Variants in LRRC51 observed in about 807,000 individuals in gnomAD.
LRRC51 encodes leucine-rich repeat-containing protein 51.
Under a neutral mutation model 17.8 loss-of-function variants are expected in LRRC51, and 8 were observed. The ratio of observed to expected loss-of-function variants is 0.45; its 90% CI spans 0.26 to 0.81. LRRC51 has a LOEUF of 0.81. Ranked by LOEUF, LRRC51 falls within the 30% of genes least tolerant of loss-of-function variation. LRRC51 has a pLI of 0.17. For missense variants in LRRC51, 233 were observed against 239.3 expected, an observed-to-expected ratio of 0.97 and a Z score of 0.17; for synonymous variants, 92 against 96.0, an observed-to-expected ratio of 0.96 and a Z score of 0.24.
rs1013661983 is a variant in LRRC51, at chr11:72,086,465, A to G, written c.-139-1832A>G. 7.1e-6 allele frequency: 5 copies of G among 702,242 alleles called. No individual in the cohort carries two copies. In the African/African-American group the frequency reaches 8.7e-5, roughly 12 times the overall value. 43.5% of individuals were successfully genotyped at this position (702,242 alleles called of 1,614,324 possible). A position where few individuals can be genotyped will look rare whatever the true frequency, so the allele number is the denominator to read the frequency against. ...TGAACCTGGGAACCAATTGTTAGAA[A>G]GAACAGCTTAGCATCAACTCTTCTG... is the stretch of plus-strand genomic sequence containing the variant. On this transcript the variant is annotated intron_variant, in intron 1 of 5. Coordinates refer to ENST00000289488, the MANE Select transcript of LRRC51 (RefSeq NM_145309.6).
rs373352944 is a variant in LRRC51, at chr11:72,093,640, A to C, written c.227A>C (p.Glu76Ala). The change falls in exon 4 of 6, where the codon GAG becomes GCG. Residue 76 changes from glutamate (E) to alanine (A), a missense_variant. By Grantham distance (107) the Glu-to-Ala change is moderately radical. Coordinates refer to ENST00000289488, the MANE Select transcript of LRRC51 (RefSeq NM_145309.6). ...AACCAGGTGGCTTCACAGCTGTTGG[A>C]GCACCCAGAGAACCTGGCCTGGATC... ...DFNQVASQLL[E>A]HPENLAWIDL... 1 of 1,614,232 alleles carries C rather than the reference A, an allele frequency of 6.2e-7. No individual in the cohort carries two copies. Among genetic ancestry groups the C allele is most frequent in the Non-Finnish European group, 8.5e-7 (1 of 1,180,038 alleles).
At position 72,095,529 on chromosome 11, in the gene LRRC51, C is replaced by A. The variant is rs373044242; in HGVS notation, c.*9C>A. The stretch of plus-strand genomic sequence containing the variant: ...AGCAGAATACACTTTGAGGCTCCCA[C>A]GACCCTAGTAGTCCTAAAGGCCTAA... On this transcript the variant is annotated 3_prime_UTR_variant, in exon 6 of 6. Coordinates refer to ENST00000289488, the MANE Select transcript of LRRC51 (RefSeq NM_145309.6). 71 of 1,612,874 alleles carry A rather than the reference C, an allele frequency of 4.4e-5. No individual in the cohort carries two copies. The highest frequency in any genetic ancestry group is 5.5e-5 in the Non-Finnish European group (65 of 1,179,454).
Position 72,095,530 on chromosome 11 carries a change from G to A in LRRC51, c.*10G>A, listed in dbSNP as rs200301620. ...GCAGAATACACTTTGAGGCTCCCAC[G>A]ACCCTAGTAGTCCTAAAGGCCTAAG... On this transcript the variant is annotated 3_prime_UTR_variant, in exon 6 of 6. Transcript: ENST00000289488. 6.6e-5 allele frequency: 107 copies of A among 1,612,826 alleles called. No homozygotes were observed. The highest frequency in any genetic ancestry group is 2.4e-4 in the African/African-American group (18 of 74,990).
In LRRC51 at chr11:72,095,672, TTTTC is replaced by T. The variant is rs909344352; in HGVS notation, c.*156_*159del. 45 of 1,490,316 alleles carry T rather than the reference TTTTC, an allele frequency of 3.0e-5. 1 individual carries two copies. The highest frequency in any genetic ancestry group is 1.2e-4 in the Admixed American group (5 of 42,348). 92.3% of individuals were successfully genotyped at this position (1,490,316 alleles called of 1,614,324 possible). A position where few individuals can be genotyped will look rare whatever the true frequency, so the allele number is the denominator to read the frequency against. ...AACTGCAAGTAGCTCTAGCCTTTTC[TTTTC>T]TTTTTTTTTTTTTTGAGACGGAGTC... On this transcript the variant is annotated 3_prime_UTR_variant, in exon 6 of 6. Transcript: ENST00000289488.
At chr11:72,091,816 G>A (rs1944880975) in intron 3 of LRRC51, among the ~76,000 whole-genome samples, 1 of 152,102 alleles carries the variant, frequency 6.6e-6, no homozygotes, top group Admixed American at 6.6e-5. Context: ...AAACGCCTAG[G>A]CTCAAGCAAT....
chr11:72,090,061 G>A (rs1478048470), intron 3 of LRRC51, among the ~76,000 whole-genome samples: 45 of 152,292 alleles, frequency 3.0e-4, no homozygotes, highest in Admixed American at 2.8e-3. Flanking sequence ...CTTTAAGCTC[G>A]GGAAGCTGGC....
chr11:72,092,524 T>C (rs1944918682), intron 3 of LRRC51, among the ~76,000 whole-genome samples: 1 of 152,222 alleles, frequency 6.6e-6, no homozygotes, highest in Admixed American at 6.5e-5. Flanking sequence ...AAGAGTGATC[T>C]TTCTGAAATA....
chr11:72,087,565 G>C (rs1344574042), intron 1 of LRRC51, among the ~76,000 whole-genome samples: 1 of 152,170 alleles, frequency 6.6e-6, no homozygotes, highest in Non-Finnish European at 1.5e-5. Flanking sequence ...AGGAATTTCA[G>C]AGCTAAATGT....
Position 72,089,015 on chromosome 11 carries a change from C to A in LRRC51, c.-55-14C>A. 2.5e-6 allele frequency: 4 copies of A among 1,605,728 alleles called. No individual in the cohort carries two copies. The South Asian group carries it at 4.4e-5, about 18-fold the overall frequency. ...CGGTGTACTTGAAACACTGGTCTTT[C>A]TCTGTCCTCCCAGGCTGAACCCAGA... On this transcript the variant is annotated splice_polypyrimidine_tract_variant and intron_variant, in intron 2 of 5. Transcript: ENST00000289488.
intron 1 of LRRC51, among the ~76,000 whole-genome samples, chr11:72,084,784 C>T (rs1944427242): frequency 7.1e-6 from 1 of 141,260 alleles, no homozygotes; most frequent in Non-Finnish European, 1.5e-5. Flanking sequence ...TTGCAGTGAG[C>T]TGAGGTAGCA....
intron 1 of LRRC51, among the ~76,000 whole-genome samples, 172 bp downstream of exon 1, chr11:72,081,057 A>G (rs371343017): frequency 6.6e-6 from 1 of 152,328 alleles, no homozygotes; most frequent in East Asian, 1.9e-4. Flanking sequence ...CATGGGACAG[A>G]CTGGGCGAGG....
rs1168485940 is a variant in LRRC51, at chr11:72,088,307, C to T, written c.-129C>T. On this transcript the variant is annotated 5_prime_UTR_variant, in exon 2 of 6. Coordinates refer to ENST00000289488, the MANE Select transcript of LRRC51 (RefSeq NM_145309.6). Reference sequence around the variant, plus strand: ...GTTCATCCCTGTCAGGGAGTATTTCCATTTTAACCGGAAACAATCCCTGAA... The same window carrying T: ...GTTCATCCCTGTCAGGGAGTATTTCTATTTTAACCGGAAACAATCCCTGAA... The T allele has an allele frequency of 1.1e-5, 8 of 700,884 alleles. No homozygotes were observed. The highest frequency in any genetic ancestry group is 1.8e-5 in the Non-Finnish European group (7 of 384,086). The allele number at this position is 700,884 out of a possible 1,614,324, so 43.4% of individuals were successfully genotyped here. A position where few individuals can be genotyped will look rare whatever the true frequency, so the allele number is the denominator to read the frequency against.
rs201554370 is a variant in LRRC51, at chr11:72,096,009, A to AT, written c.*500dup. ...AGGCGCCTGCTACCACATCCAGCTA[A>AT]TTTTTTTTTTTGAGACGGAGTCTCG... is the stretch of plus-strand genomic sequence containing the variant. On this transcript the variant is annotated 3_prime_UTR_variant, in exon 6 of 6. Transcript: ENST00000289488. The AT allele has an allele frequency of 9.1e-3, 1,193 of 130,900 alleles. No homozygotes were observed. Among genetic ancestry groups the AT allele is most frequent in the South Asian group, 0.024 (164 of 6,912 alleles). 8.1% of individuals were successfully genotyped at this position (130,900 alleles called of 1,614,324 possible). A position where few individuals can be genotyped will look rare whatever the true frequency, so the allele number is the denominator to read the frequency against.
rs1591170947 is a variant in LRRC51, at chr11:72,096,489, C to T, written c.*969C>T. ...CTGACCTCAGGTGATCTGCCCACCTCAGCCTCCCAAAGTGCTAGGATTACA... is the reference window on the plus strand; with the variant it reads ...CTGACCTCAGGTGATCTGCCCACCTTAGCCTCCCAAAGTGCTAGGATTACA... On this transcript the variant is annotated 3_prime_UTR_variant, in exon 6 of 6. Transcript: ENST00000289488. 1 of 1,174,756 alleles carries T rather than the reference C, an allele frequency of 8.5e-7. No individual in the cohort carries two copies. The highest frequency in any genetic ancestry group is 1.6e-5 in the African/African-American group (1 of 62,538). The allele number at this position is 1,174,756 out of a possible 1,614,324, so 72.8% of individuals were successfully genotyped here. A position where few individuals can be genotyped will look rare whatever the true frequency, so the allele number is the denominator to read the frequency against.
Position 72,095,693 on chromosome 11 carries a change from G to A in LRRC51, c.*173G>A, listed in dbSNP as rs1262155742. The A allele has an allele frequency of 7.2e-7, 1 of 1,383,974 alleles. No individual in the cohort carries two copies. Among genetic ancestry groups the A allele is most frequent in the Non-Finnish European group, 9.5e-7 (1 of 1,050,614 alleles). The allele number at this position is 1,383,974 out of a possible 1,614,324, so 85.7% of individuals were successfully genotyped here. On this transcript the variant is annotated 3_prime_UTR_variant, in exon 6 of 6. Coordinates refer to ENST00000289488, the MANE Select transcript of LRRC51 (RefSeq NM_145309.6). The stretch of plus-strand genomic sequence containing the variant: ...TTTCTTTTCTTTTTTTTTTTTTTGA[G>A]ACGGAGTCTCACTCTGTCACACAGG...
At chr11:72,082,315 G>A (rs761054009) in intron 1 of LRRC51, among the ~76,000 whole-genome samples, 2 of 152,182 alleles carry the variant, frequency 1.3e-5, no homozygotes, top group Admixed American at 6.5e-5. Flanking sequence ...GGCCCTGACT[G>A]GTCCACTTAC....
At chr11:72,093,363 C>A in intron 3 of LRRC51, 133 bp from the exon 4 acceptor site, 2 of 838,318 alleles carry the variant, frequency 2.4e-6, no homozygotes, top group Non-Finnish European at 4.0e-6. Context: ...GCACTAGACT[C>A]AGGCACAGGG....
intron 4 of LRRC51, chr11:72,094,389 G>A: frequency 2.4e-6 from 1 of 412,356 alleles, no homozygotes. Flanking sequence ...ACTGTGACCT[G>A]TGCTGGGTTC....
intron 1 of LRRC51, among the ~76,000 whole-genome samples, chr11:72,081,278 CG>C (rs1043089097): frequency 6.6e-6 from 1 of 152,066 alleles, no homozygotes; most frequent in Non-Finnish European, 1.5e-5. Flanking sequence ...AAAAATTAGC[CG>C]GGCTTGGTGG....
Sources: allele counts gnomAD v4.1 joint callset (sites outside exome capture counted in the v4.1 genomes callset), GRCh38; gene constraint gnomAD v4.1.1; transcripts MANE v1.5; gene names NCBI Gene and HGNC (gene_info 2026-07-23, HGNC 2026-07-21).